The following ROBO1 variants were observed in gnomAD, a reference collection of about 807,000 sequenced individuals.
The protein encoded by ROBO1 is roundabout homolog 1.
Under a neutral mutation model 195.9 loss-of-function variants are expected in ROBO1, and 149 were observed. The ratio of observed to expected loss-of-function variants is 0.76; its 90% confidence interval spans 0.67 to 0.87. The LOEUF (loss-of-function observed/expected upper bound fraction) is 0.87. Ranked by LOEUF, ROBO1 falls within the 40% of genes least tolerant of loss-of-function variation. ROBO1 has a pLI of 0.00. For synonymous variants in ROBO1, 816 were observed against 733.2 expected, an observed-to-expected ratio of 1.11 and a Z score of -1.82; for missense variants, 1,933 against 2,068.3, an observed-to-expected ratio of 0.93 and a Z score of 1.27.
intron 2 of ROBO1, among the ~76,000 whole-genome samples, chr3:79,231,932 G>A (rs985627995): frequency 6.6e-6 from 1 of 152,056 alleles, no homozygotes; most frequent in Admixed American, 6.6e-5. Flanking sequence ...GATGGAACTG[G>A]GGGCCATTAT....
intron 9 of ROBO1, among the ~76,000 whole-genome samples, chr3:78,688,419 A>G (rs912555795): frequency 6.6e-6 from 1 of 152,212 alleles, no homozygotes; most frequent in African/African-American, 2.4e-5. Flanking sequence ...TTAATTTTAT[A>G]TACTACCTTG....
chr3:78,664,696 C>T (rs1707632068), intron 14 of ROBO1, among the ~76,000 whole-genome samples: 1 of 152,206 alleles, frequency 6.6e-6, no homozygotes. Context: ...GGGGAAGATT[C>T]TTTTGCAACC....
chr3:79,107,127 TCACACACACA>T (rs369021063), intron 3 of ROBO1, among the ~76,000 whole-genome samples: 1 of 136,454 alleles, frequency 7.3e-6, no homozygotes, highest in South Asian at 2.4e-4. Context: ...TCTCTCTCTC[TCACACACACA>T]CACACACACA....
chr3:79,383,617 C>T (rs1378160510), intron 2 of ROBO1, among the ~76,000 whole-genome samples: 1 of 151,986 alleles, frequency 6.6e-6, no homozygotes, highest in Admixed American at 6.6e-5. Flanking sequence ...TGTTCACTTC[C>T]TGCACCATGC....
intron 3 of ROBO1, among the ~76,000 whole-genome samples, chr3:79,098,979 T>C (rs781500841): frequency 1.9e-4 from 29 of 151,660 alleles, no homozygotes; most frequent in Non-Finnish European, 2.1e-4. Context: ...TTTCTCTCCA[T>C]AGATGATTAT....
chr3:79,751,870 C>T (rs1237876892), intron 1 of ROBO1, among the ~76,000 whole-genome samples: 1 of 152,078 alleles, frequency 6.6e-6, no homozygotes, highest in Admixed American at 6.5e-5. Flanking sequence ...CACAGTCTTA[C>T]CATTAAATAG....
At chr3:79,298,124 AT>A (rs1420727858) in intron 2 of ROBO1, among the ~76,000 whole-genome samples, 5 of 152,158 alleles carry the variant, frequency 3.3e-5, no homozygotes, top group South Asian at 2.1e-4. Flanking sequence ...TTAAAAAAAA[AT>A]ATCAGTTTCT....
At chr3:78,803,444 AAT>A (rs1326563743) in intron 4 of ROBO1, among the ~76,000 whole-genome samples, 1 of 152,158 alleles carries the variant, frequency 6.6e-6, no homozygotes, top group African/African-American at 2.4e-5. Context: ...ATATCATGAA[AAT>A]ATGATAGATT....
intron 4 of ROBO1, among the ~76,000 whole-genome samples, chr3:78,835,475 A>T (rs1469858646): frequency 6.6e-6 from 1 of 152,182 alleles, no homozygotes; most frequent in African/African-American, 2.4e-5. Context: ...TCCAAATGAA[A>T]ATAAGTAAGA....
intron 1 of ROBO1, among the ~76,000 whole-genome samples, chr3:79,711,932 T>C (rs13067460): frequency 1.5e-5 from 2 of 129,106 alleles, no homozygotes; most frequent in Admixed American, 8.4e-5. Context: ...GGCGGGTGGG[T>C]GGGGGAGCAC....
rs1702993054 is a variant in ROBO1, at chr3:78,598,817, T to G, written c.*96A>C. 1.4e-6 allele frequency: 1 copy of G among 732,290 alleles called. No homozygotes were observed. 45.4% of individuals were successfully genotyped at this position (732,290 alleles called of 1,614,324 possible). ...AAAACGACAATTTGTACACTCTGAT[T>G]GCACTGAACATTTTATCTGGCGTCA... is the stretch of plus-strand genomic sequence containing the variant. On this transcript the variant is annotated 3_prime_UTR_variant, in exon 31 of 31. Coordinates refer to ENST00000464233, the MANE Select transcript of ROBO1 (RefSeq NM_002941.4).
chr3:79,499,090 G>A lies in ROBO1; in HGVS notation c.88+90734C>T, dbSNP rs1939912591. On this transcript the variant is annotated intron_variant, in intron 2 of 30. Transcript: ENST00000464233. ...GCTCACTGCAACCTCTGCCTCTCCG[G>A]TTCAAGGGATTCTCTTGCCTCAGCC... Among the ~76,000 whole-genome samples, 3 of 152,036 alleles carry A rather than the reference G, an allele frequency of 2.0e-5. No homozygotes were observed. The South Asian group carries it at 6.2e-4, about 32-fold the overall frequency.
intron 2 of ROBO1, among the ~76,000 whole-genome samples, chr3:79,150,934 C>A (rs1260160869): frequency 6.6e-6 from 1 of 151,606 alleles, no homozygotes; most frequent in Non-Finnish European, 1.5e-5. Context: ...GTGGCTGTGT[C>A]CCCATCCAAA....
intron 4 of ROBO1, among the ~76,000 whole-genome samples, chr3:78,772,902 G>A (rs1159893097): frequency 6.6e-6 from 1 of 152,070 alleles, no homozygotes; most frequent in African/African-American, 2.4e-5. Context: ...TTCCATCCTA[G>A]GTTTGTCTGA....
intron 5 of ROBO1, among the ~76,000 whole-genome samples, chr3:78,739,434 T>C (rs1206200329): frequency 6.6e-6 from 1 of 152,188 alleles, no homozygotes; most frequent in Non-Finnish European, 1.5e-5. Context: ...TATTAGAACC[T>C]GGCTAACTCA....
At chr3:79,590,268 A>G (rs367967189) in intron 1 of ROBO1, among the ~76,000 whole-genome samples, 2 of 151,694 alleles carry the variant, frequency 1.3e-5, no homozygotes, top group Non-Finnish European at 3.0e-5. Flanking sequence ...TTTCCCACCA[A>G]TTTAGTTGGA....
At chr3:79,490,293 C>T (rs535003458) in intron 2 of ROBO1, among the ~76,000 whole-genome samples, 46 of 152,252 alleles carry the variant, frequency 3.0e-4, no homozygotes, top group African/African-American at 1.0e-3. Context: ...CAAACCTTAG[C>T]CTTTGTCATC....
At chr3:79,420,242 A>C (rs1193242035) in intron 2 of ROBO1, among the ~76,000 whole-genome samples, 1 of 152,146 alleles carries the variant, frequency 6.6e-6, no homozygotes, top group East Asian at 1.9e-4. Flanking sequence ...TTATATACAG[A>C]GGAATATTAA....
rs147434219 is a variant in ROBO1, at chr3:79,214,258, GCAAA to G, written c.89-88723_89-88720del. 3.8e-4 allele frequency among the ~76,000 whole-genome samples: 58 copies of G among 152,112 alleles called. No homozygotes were observed. The East Asian group carries it at 8.5e-3, about 22-fold the overall frequency. ...AAACAATAAACTACAGTAATAAACA[GCAAA>G]CAGTTTATTACCGTAAATAATAGTA... On this transcript the variant is annotated intron_variant, in intron 2 of 30. Coordinates refer to ENST00000464233, the MANE Select transcript of ROBO1 (RefSeq NM_002941.4).
Sources: gnomAD v4.1 joint callset for allele counts (sites outside exome capture counted in the v4.1 genomes callset) on GRCh38, gnomAD v4.1.1 for gene constraint, MANE v1.5 for transcripts, NCBI Gene and HGNC (gene_info 2026-07-23, HGNC 2026-07-21) for gene names.